The following SHC4 variants were observed in gnomAD, a reference collection of about 807,000 sequenced individuals.
The protein encoded by SHC4 is SHC-transforming protein 4.
Under a neutral mutation model 69.4 loss-of-function variants are expected in SHC4, and 41 were observed. That is an observed-to-expected ratio of 0.59 (90% CI 0.46 to 0.77). The LOEUF (loss-of-function observed/expected upper bound fraction) is 0.77. SHC4 is among the 30% of genes least tolerant of loss of function. The pLI, the probability that SHC4 is intolerant of heterozygous loss-of-function variation, is 0.00. For synonymous variants in SHC4, 318 were observed against 299.3 expected, an observed-to-expected ratio of 1.06 and a Z score of -0.64; for missense variants, 777 against 783.8, an observed-to-expected ratio of 0.99 and a Z score of 0.10.
At chr15:48,893,081 AC>A (rs1426041769) in intron 2 of SHC4, among the ~76,000 whole-genome samples, 1 of 152,182 alleles carries the variant, frequency 6.6e-6, no homozygotes, top group Non-Finnish European at 1.5e-5. Flanking sequence ...TGATTCTCAC[AC>A]CAATTATCAA....
Position 48,825,474 on chromosome 15 carries a change from T to C in SHC4, c.*497A>G, listed in dbSNP as rs896030356. On this transcript the variant is annotated 3_prime_UTR_variant, in exon 12 of 12. Coordinates refer to ENST00000332408, the MANE Select transcript of SHC4 (RefSeq NM_203349.4). ...AAATGCTGCTAAACAGAAAATGTAA[T>C]AAAGTCAATAAGGCTCAAGAAAATT... 1 of 152,924 alleles carries C rather than the reference T, an allele frequency of 6.5e-6. No homozygotes were observed. The highest frequency in any genetic ancestry group is 2.4e-5 in the African/African-American group (1 of 41,434). 9.5% of individuals were successfully genotyped at this position (152,924 alleles called of 1,614,324 possible).
intron 1 of SHC4, among the ~76,000 whole-genome samples, chr15:48,956,709 C>T (rs745718358): frequency 8.5e-5 from 13 of 152,182 alleles, no homozygotes; most frequent in Non-Finnish European, 1.5e-4. Flanking sequence ...TCCTTTCTGC[C>T]TTACTGGTGA....
intron 3 of SHC4, among the ~76,000 whole-genome samples, chr15:48,888,897 A>AG (rs1900085875): frequency 6.6e-6 from 1 of 151,736 alleles, no homozygotes; most frequent in African/African-American, 2.4e-5. Context: ...AAAAAAAAAA[A>AG]AAAAAAGTTA....
intron 1 of SHC4, among the ~76,000 whole-genome samples, chr15:48,928,102 C>G (rs1036415813): frequency 2.6e-5 from 4 of 152,182 alleles, no homozygotes. Context: ...GAGGTGAAGG[C>G]TTGGCTGGTC....
intron 4 of SHC4, chr15:48,878,029 G>A: frequency 1.0e-6 from 1 of 1,003,182 alleles, no homozygotes. Flanking sequence ...CAACCACAGT[G>A]GCGCGCCAAG....
intron 1 of SHC4, among the ~76,000 whole-genome samples, chr15:48,936,536 C>T (rs542015669): frequency 2.1e-3 from 322 of 152,274 alleles, no homozygotes; most frequent in Admixed American, 3.5e-3. Flanking sequence ...TCCCAGTCCG[C>T]TTAAAGTAAG....
chr15:48,832,253 CAA>C (rs1567047597), intron 11 of SHC4, among the ~76,000 whole-genome samples: 1 of 152,086 alleles, frequency 6.6e-6, no homozygotes, highest in East Asian at 1.9e-4. Context: ...GCCTGGGCGA[CAA>C]GAGTGAAACG....
At chr15:48,874,051 GAAC>G (rs1221662890) in intron 4 of SHC4, among the ~76,000 whole-genome samples, 1 of 152,028 alleles carries the variant, frequency 6.6e-6, no homozygotes, top group East Asian at 1.9e-4. Flanking sequence ...AATTTTAAAA[GAAC>G]AAATGCATAA....
chr15:48,878,914 G>T (rs1213683980), intron 4 of SHC4: 2 of 518,354 alleles, frequency 3.9e-6, no homozygotes, highest in Admixed American at 3.5e-5. Context: ...AAAAGGAAGA[G>T]AATCATTAAA....
At chr15:48,841,009 G>T (rs1023367180) in intron 10 of SHC4, among the ~76,000 whole-genome samples, 2 of 151,838 alleles carry the variant, frequency 1.3e-5, no homozygotes, top group Non-Finnish European at 2.9e-5. Context: ...ATGAATGATA[G>T]AAATTTTGTT....
intron 1 of SHC4, among the ~76,000 whole-genome samples, chr15:48,953,282 A>T (rs1325960867): frequency 6.6e-6 from 1 of 152,150 alleles, no homozygotes; most frequent in Non-Finnish European, 1.5e-5. Flanking sequence ...GGAGGATGAG[A>T]GGAGGGAGAG....
intron 2 of SHC4, among the ~76,000 whole-genome samples, chr15:48,898,266 G>A (rs898183999): frequency 6.6e-6 from 1 of 152,172 alleles, no homozygotes; most frequent in African/African-American, 2.4e-5. Flanking sequence ...CCTCTGTGGC[G>A]ATAAGCACAC....
intron 1 of SHC4, among the ~76,000 whole-genome samples, chr15:48,925,759 G>A (rs547603803): frequency 5.9e-5 from 9 of 152,150 alleles, no homozygotes; most frequent in Non-Finnish European, 1.2e-4. Flanking sequence ...TTAAGTCAGC[G>A]GCAGTATGAA....
intron 11 of SHC4, among the ~76,000 whole-genome samples, chr15:48,832,250 C>T (rs990642204): frequency 7.9e-5 from 12 of 151,792 alleles, no homozygotes; most frequent in East Asian, 1.9e-4. Context: ...CCAGCCTGGG[C>T]GACAAGAGTG....
rs572216674 is a variant in SHC4 at position 48,843,385 on chromosome 15, TACAG to T, written c.1483+20_1483+23del. On this transcript the variant is annotated intron_variant, in intron 10 of 11. Transcript: ENST00000332408. ...TGTTAAAACAGCCCTAAGAAATGAA[TACAG>T]ACAGTGAGTAGCTACTTACTTCCGC... 5.0e-4 allele frequency: 796 copies of T among 1,585,812 alleles called. 2 individuals carry two copies. In the African/African-American group the frequency reaches 6.6e-3, roughly 13 times the overall value.
Position 48,913,645 on chromosome 15 carries a change from A to G in SHC4, c.656+11234T>C, listed in dbSNP as rs74713263. Among the ~76,000 whole-genome samples the G allele has an allele frequency of 8.9e-3, 1,360 of 152,204 alleles. 11 individuals are homozygous for G. Among genetic ancestry groups the G allele is most frequent in the Non-Finnish European group, 0.015 (1,015 of 67,992 alleles). Reference sequence around the variant, plus strand: ...CTTCTCACCCCCTTCAAATTGTCACAAAGTTCTACTAGAGAATTCCTTCTC... The same window carrying G: ...CTTCTCACCCCCTTCAAATTGTCACGAAGTTCTACTAGAGAATTCCTTCTC... On this transcript the variant is annotated intron_variant, in intron 2 of 11. Coordinates refer to ENST00000332408, the MANE Select transcript of SHC4 (RefSeq NM_203349.4).
At chr15:48,885,621 A>G (rs1445399504) in intron 3 of SHC4, among the ~76,000 whole-genome samples, 2 of 152,146 alleles carry the variant, frequency 1.3e-5, no homozygotes. Context: ...TGAAAACACA[A>G]TTTGTTTCTT....
At chr15:48,836,128 G>C (rs1030148903) in intron 10 of SHC4, among the ~76,000 whole-genome samples, 2 of 151,834 alleles carry the variant, frequency 1.3e-5, no homozygotes, top group African/African-American at 4.8e-5. Context: ...GGGAGGCAGA[G>C]GTTGCAATGA....
intron 9 of SHC4, among the ~76,000 whole-genome samples, chr15:48,846,319 C>G: frequency 6.6e-6 from 1 of 152,072 alleles, no homozygotes; most frequent in East Asian, 1.9e-4. Flanking sequence ...GTTGTGAGGA[C>G]TAAGTGAAAT....
Sources: gnomAD v4.1 joint callset for allele counts (sites outside exome capture counted in the v4.1 genomes callset) on GRCh38, gnomAD v4.1.1 for gene constraint, MANE v1.5 for transcripts, NCBI Gene and HGNC (gene_info 2026-07-23, HGNC 2026-07-21) for gene names.